PRKD1: variants seen among roughly 807,000 people sequenced by gnomAD.
PRKD1 encodes protein kinase D1.
PRKD1 carries 63 observed loss-of-function variants against 95.9 expected under a neutral mutation model. That is an observed-to-expected ratio of 0.66 (90% CI 0.54 to 0.81). The LOEUF is 0.81. Among genes scored for constraint, PRKD1 ranks in the 30% least tolerant of loss-of-function variants. The pLI, the probability that PRKD1 is intolerant of heterozygous loss-of-function variation, is 0.00. For missense variants in PRKD1, 1,048 were observed against 1,165.3 expected, an observed-to-expected ratio of 0.90 and a Z score of 1.47; for synonymous variants, 425 against 423.1, an observed-to-expected ratio of 1.00 and a Z score of -0.05.
intron 4 of PRKD1, among the ~76,000 whole-genome samples, chr14:29,645,949 T>C (rs1881096332): frequency 6.6e-6 from 1 of 152,176 alleles, no homozygotes; most frequent in African/African-American, 2.4e-5. Flanking sequence ...CTCTTATTTG[T>C]TTACTGGATT....
chr14:29,803,786 A>G (rs143344466), intron 1 of PRKD1, among the ~76,000 whole-genome samples: 244 of 152,292 alleles, frequency 1.6e-3, no homozygotes, highest in African/African-American at 5.7e-3. Context: ...TTTTATATTA[A>G]TGCTTAGACT....
In PRKD1 at chr14:29,675,850, AC is replaced by A. The variant is rs1883140879; in HGVS notation, c.404-9643del. On this transcript the variant is annotated intron_variant, in intron 2 of 17. Transcript: ENST00000331968. ...TGCAGGGACATGGATGAAGCTGGAA[AC>A]CATCATTCTCAGCAAACTATCGCAA... Among the ~76,000 whole-genome samples, 4 of 152,022 alleles carry A rather than the reference AC, an allele frequency of 2.6e-5. No individual in the cohort carries two copies. The South Asian group carries it at 8.3e-4, about 32-fold the overall frequency.
At chr14:29,894,166 A>T (rs1894036896) in intron 1 of PRKD1, among the ~76,000 whole-genome samples, 1 of 152,158 alleles carries the variant, frequency 6.6e-6, no homozygotes, top group Non-Finnish European at 1.5e-5. Flanking sequence ...AGTGGATGGG[A>T]GGTGGAGGAA....
chr14:29,911,107 A>C (rs1894696318), intron 1 of PRKD1, among the ~76,000 whole-genome samples: 2 of 152,248 alleles, frequency 1.3e-5, no homozygotes, highest in South Asian at 4.1e-4. Context: ...TGGTATCGGA[A>C]TATTGAAAAA....
At chr14:29,644,272 T>C (rs1194432867) in intron 4 of PRKD1, among the ~76,000 whole-genome samples, 8 of 152,228 alleles carry the variant, frequency 5.3e-5, no homozygotes, top group Admixed American at 5.2e-4. Context: ...AAATGCTCTG[T>C]ACTTGTCTGC....
At chr14:29,910,562 G>A (rs1259077653) in intron 1 of PRKD1, among the ~76,000 whole-genome samples, 1 of 152,116 alleles carries the variant, frequency 6.6e-6, no homozygotes, top group Non-Finnish European at 1.5e-5. Context: ...TTAAGAGAAA[G>A]AAAGATTATG....
chr14:29,913,963 T>C (rs1487632771), intron 1 of PRKD1, among the ~76,000 whole-genome samples: 2 of 152,198 alleles, frequency 1.3e-5, no homozygotes, highest in African/African-American at 4.8e-5. Flanking sequence ...CTATGTAAGT[T>C]GTCCATTGTA....
chr14:29,826,844 C>CACATATATATAT (rs1323754040), intron 1 of PRKD1, among the ~76,000 whole-genome samples: 3 of 28,676 alleles, frequency 1.0e-4, no homozygotes, highest in Admixed American at 5.8e-4. Flanking sequence ...TATATACACA[C>CACATATATATAT]ATATATATAT....
intron 13 of PRKD1, among the ~76,000 whole-genome samples, chr14:29,607,046 G>A (rs1878026574): frequency 6.6e-6 from 1 of 152,162 alleles, no homozygotes; most frequent in African/African-American, 2.4e-5. Context: ...AACACAGTCA[G>A]GTCTCATTAT....
chr14:29,596,223 T>C (rs1893298073), intron 16 of PRKD1, among the ~76,000 whole-genome samples: 1 of 152,220 alleles, frequency 6.6e-6, no homozygotes, highest in African/African-American at 2.4e-5. Context: ...TGTACATTCT[T>C]TTCTCATTTC....
At chr14:29,881,014 T>C (rs1893491871) in intron 1 of PRKD1, among the ~76,000 whole-genome samples, 1 of 152,196 alleles carries the variant, frequency 6.6e-6, no homozygotes, top group South Asian at 2.1e-4. Flanking sequence ...CTCTGGACTG[T>C]AGGCTTTTGG....
In PRKD1 at chr14:29,620,394, C is replaced by G. The variant is rs903959817; in HGVS notation, c.1905+3758G>C. ...ACCATCAGAGTGAACAGGCAACCTA[C>G]AAAATGGGAGAAAATTTTCGCAACC... On this transcript the variant is annotated intron_variant, in intron 13 of 17. Coordinates refer to ENST00000331968, the MANE Select transcript of PRKD1 (RefSeq NM_002742.3). Among the ~76,000 whole-genome samples the G allele has an allele frequency of 1.8e-3, 267 of 149,666 alleles. 2 individuals are homozygous for G. Among genetic ancestry groups the G allele is most frequent in the African/African-American group, 6.0e-3 (244 of 40,742 alleles).
chr14:29,777,992 A>G (rs1888852183), intron 1 of PRKD1, among the ~76,000 whole-genome samples: 1 of 152,204 alleles, frequency 6.6e-6, no homozygotes, highest in South Asian at 2.1e-4. Flanking sequence ...TAAGAAACTC[A>G]TTCAAAACCA....
chr14:29,912,902 T>G (rs1196008508), intron 1 of PRKD1, among the ~76,000 whole-genome samples: 1 of 152,346 alleles, frequency 6.6e-6, no homozygotes, highest in East Asian at 1.9e-4. Flanking sequence ...CTACTTGAAT[T>G]AATAAAGGTA....
intron 1 of PRKD1, among the ~76,000 whole-genome samples, chr14:29,873,114 C>G (rs1893170643): frequency 6.6e-6 from 1 of 152,080 alleles, no homozygotes; most frequent in Admixed American, 6.6e-5. Context: ...GAGATGGAGT[C>G]TCGCTCTATC....
chr14:29,648,622 T>G (rs1379771494), intron 4 of PRKD1, among the ~76,000 whole-genome samples: 1 of 152,206 alleles, frequency 6.6e-6, no homozygotes, highest in Non-Finnish European at 1.5e-5. Context: ...GTTTACCATG[T>G]GCTGGCCTCA....
chr14:29,697,174 C>A (rs28680591), intron 2 of PRKD1, among the ~76,000 whole-genome samples: 75,184 of 149,540 alleles, frequency 0.5, 21,137 homozygotes, highest in African/African-American at 0.77. Context: ...AAAAAAAAAA[C>A]AAACAAACAA....
chr14:29,778,013 T>G (rs571274075), intron 1 of PRKD1, among the ~76,000 whole-genome samples: 2 of 152,122 alleles, frequency 1.3e-5, no homozygotes, highest in Non-Finnish European at 2.9e-5. Context: ...CTCAACTACA[T>G]GGAAACTGAA....
intron 2 of PRKD1, among the ~76,000 whole-genome samples, chr14:29,723,799 A>G (rs1468729296): frequency 6.6e-6 from 1 of 152,102 alleles, no homozygotes; most frequent in African/African-American, 2.4e-5. Context: ...CTCCTTTTAA[A>G]TTCCAGCAAA....
Sources: allele counts gnomAD v4.1 joint callset (sites outside exome capture counted in the v4.1 genomes callset), GRCh38; gene constraint gnomAD v4.1.1; transcripts MANE v1.5; gene names NCBI Gene and HGNC (gene_info 2026-07-23, HGNC 2026-07-21).